The following RGS3 variants were observed in gnomAD, a reference collection of about 807,000 sequenced individuals.
RGS3 encodes the protein regulator of G-protein signalling 3.
In RGS3, 80 loss-of-function variants were observed where a neutral mutation model predicts 132.6. The ratio of observed to expected loss-of-function variants is 0.60; its 90% CI spans 0.50 to 0.73. RGS3 has a LOEUF of 0.73. RGS3 is among the 30% of genes least tolerant of loss of function. RGS3 has a pLI of 0.00. For missense variants in RGS3, 1,382 were observed against 1,530.8 expected (o/e 0.90, Z 1.62); for synonymous variants, 598 against 620.6 (o/e 0.96, Z 0.54).
chr9:113,533,437 G>A (rs1832558924), intron 18 of RGS3, among the ~76,000 whole-genome samples: 2 of 152,122 alleles, frequency 1.3e-5, no homozygotes, highest in African/African-American at 4.8e-5. Context: ...CATCGTTTTG[G>A]CCAGGATGGT....
chr9:113,547,507 G>A (rs1833165357), intron 19 of RGS3, among the ~76,000 whole-genome samples: 1 of 152,184 alleles, frequency 6.6e-6, no homozygotes, highest in Non-Finnish European at 1.5e-5. Flanking sequence ...AGGTGGCTGA[G>A]TATACACATT....
intron 3 of RGS3, among the ~76,000 whole-genome samples, chr9:113,468,530 C>T (rs1015083343): frequency 1.3e-5 from 2 of 152,084 alleles, no homozygotes. Flanking sequence ...TTTGGCTGTC[C>T]TGGGTCCCTT....
Position 113,463,615 on chromosome 9 carries a change from G to A in RGS3, c.415+1414G>A, listed in dbSNP as rs1829527316. 1.8e-6 allele frequency: 2 copies of A among 1,130,442 alleles called. No individual in the cohort carries two copies. The highest frequency in any genetic ancestry group is 4.2e-5 in the Admixed American group (1 of 23,954). 70.0% of individuals were successfully genotyped at this position (1,130,442 alleles called of 1,614,324 possible). A position where few individuals can be genotyped will look rare whatever the true frequency, so the allele number is the denominator to read the frequency against. On this transcript the variant is annotated intron_variant, in intron 3 of 24. Transcript: ENST00000350696. The surrounding 1 kb of genome is among the most constrained non-coding windows in gnomAD (Gnocchi z 4.6). ...CCCACCCCGGCCCAGCTCTGCTCCG[G>A]CAGGTGGAACTCTCCCCATTCAAAC...
At position 113,551,854 on chromosome 9, in the gene RGS3, G is replaced by A. The variant is rs1833354721; in HGVS notation, c.2037+14936G>A. Among the ~76,000 whole-genome samples the A allele has an allele frequency of 2.0e-5, 3 of 152,262 alleles. No individual in the cohort carries two copies. The South Asian group carries it at 6.2e-4, about 32-fold the overall frequency. On this transcript the variant is annotated intron_variant, in intron 19 of 24. Transcript: ENST00000350696. ...AGTCTGGGCAACAGAGTGAGACTCT[G>A]TCTCAAAAAATAAAATAAATAAATA...
At chr9:113,458,044 A>G (rs1829399450), upstream of RGS3, among the ~76,000 whole-genome samples, 1 of 152,224 alleles carries the variant, frequency 6.6e-6, no homozygotes, top group Admixed American at 6.5e-5. Flanking sequence ...AGATGTAAAA[A>G]TACTAATAAA....
chr9:113,459,665 G>A (rs952526839), upstream of RGS3, among the ~76,000 whole-genome samples: 1 of 152,002 alleles, frequency 6.6e-6, no homozygotes, highest in Non-Finnish European at 1.5e-5. Flanking sequence ...TATGAGAATC[G>A]CTTGAACCTG....
chr9:113,459,745 T>TA (rs200691540), upstream of RGS3, among the ~76,000 whole-genome samples: 5 of 147,988 alleles, frequency 3.4e-5, no homozygotes, highest in Admixed American at 2.0e-4. Context: ...TCAAAAAAAA[T>TA]AAAAAAAAAG....
chr9:113,575,342 T>C (rs958451963), intron 19 of RGS3, among the ~76,000 whole-genome samples: 3 of 152,174 alleles, frequency 2.0e-5, no homozygotes, highest in African/African-American at 7.2e-5. Context: ...TGCCTCAGTA[T>C]TGCTTTCTGT....
intron 19 of RGS3, among the ~76,000 whole-genome samples, chr9:113,548,628 G>A (rs1489904265): frequency 6.6e-6 from 1 of 152,170 alleles, no homozygotes; most frequent in African/African-American, 2.4e-5. Context: ...AAGTCCCATG[G>A]AGTCACATAA....
chr9:113,566,234 C>G (rs1295890662), intron 19 of RGS3, among the ~76,000 whole-genome samples: 1 of 152,136 alleles, frequency 6.6e-6, no homozygotes, highest in African/African-American at 2.4e-5. Flanking sequence ...ACGGCCTCTG[C>G]TGAAACGTCC....
chr9:113,485,543 G>C, intron 6 of RGS3, 82 bp from the exon 5 acceptor site: 1 of 1,065,134 alleles, frequency 9.4e-7, no homozygotes. Context: ...CACATTTTTG[G>C]AATTATGACT....
At chr9:113,577,424 T>C (rs1344054960) in intron 19 of RGS3, among the ~76,000 whole-genome samples, 1 of 152,208 alleles carries the variant, frequency 6.6e-6, no homozygotes, top group Admixed American at 6.5e-5. Flanking sequence ...GATTTGAGGA[T>C]TGACCATGGG....
intron 15 of RGS3, 25 bp from the exon 14 acceptor site, chr9:113,517,516 C>T (rs1181147101): frequency 1.2e-6 from 2 of 1,602,292 alleles, no homozygotes; most frequent in Non-Finnish European, 1.7e-6. Context: ...TTTTGAACTG[C>T]CCACTCAGCC....
At chr9:113,453,035 T>C (rs1163006987) in intron 1 of RGS3, among the ~76,000 whole-genome samples, 1 of 132,148 alleles carries the variant, frequency 7.6e-6, no homozygotes, top group Non-Finnish European at 1.5e-5. Context: ...TAATATATAA[T>C]ATATATAATA....
chr9:113,584,244 G>C lies in RGS3; in HGVS notation c.2832G>C (p.Glu944Asp), dbSNP rs1564609983. ...CGCTGCGGCGCCGGACGCACAGCGA[G>C]GGCAGCCTGCTGCAGGAGCCCCGAG... Residue 944 changes from glutamate (E) to aspartate (D), a missense_variant, in exon 20 of 25, where the codon GAG (glutamate) becomes GAC (aspartate). Transcript: ENST00000350696. 4 of 1,612,920 alleles carry C rather than the reference G, an allele frequency of 2.5e-6. No individual in the cohort carries two copies. The African/African-American group carries it at 5.3e-5, about 22-fold the overall frequency.
chr9:113,528,600 A>C (rs1024048039), intron 17 of RGS3, among the ~76,000 whole-genome samples: 2 of 152,188 alleles, frequency 1.3e-5, no homozygotes, highest in Non-Finnish European at 2.9e-5. Context: ...AGTTGCTGAC[A>C]GCCCTCCCAG....
At chr9:113,522,765 G>T (rs1451641413) in intron 16 of RGS3, 165 bp from the exon 15 acceptor site, 15 of 652,026 alleles carry the variant, frequency 2.3e-5, no homozygotes, top group Non-Finnish European at 3.1e-5. Context: ...GGTCAGGACT[G>T]CCCTTGGCTG....
intron 19 of RGS3, among the ~76,000 whole-genome samples, chr9:113,539,566 C>T (rs1832818630): frequency 6.6e-6 from 1 of 152,156 alleles, no homozygotes; most frequent in African/African-American, 2.4e-5. Context: ...CCTTTGAATG[C>T]CTTTTCTGTG....
chr9:113,543,850 T>C (rs991115230), intron 19 of RGS3, among the ~76,000 whole-genome samples: 1 of 152,176 alleles, frequency 6.6e-6, no homozygotes, highest in African/African-American at 2.4e-5. Context: ...GTCCGGCTGT[T>C]AGGGAAGTGG....
Sources: gnomAD v4.1 joint callset for allele counts (sites outside exome capture counted in the v4.1 genomes callset) on GRCh38, gnomAD v4.1.1 for gene constraint, Gnocchi (gnomAD v3.1) non-coding constraint, MANE v1.5 for transcripts, NCBI Gene and HGNC (gene_info 2026-07-23, HGNC 2026-07-21) for gene names.